Variants in FOXN3 observed in about 807,000 individuals in gnomAD.
FOXN3 encodes forkhead box N3.
Under a neutral mutation model 38.4 loss-of-function variants are expected in FOXN3, and 7 were observed. That is an observed-to-expected ratio of 0.18 (90% CI 0.10 to 0.34). FOXN3 has a LOEUF of 0.34. FOXN3 is among the 10% of genes least tolerant of loss of function. FOXN3 has a pLI of 1.00. For missense variants in FOXN3, 456 were observed against 613.4 expected, an observed-to-expected ratio of 0.74 and a Z score of 2.71; for synonymous variants, 230 against 242.2, an observed-to-expected ratio of 0.95 and a Z score of 0.47.
At chr14:89,490,376 A>C (rs1188138403) in intron 1 of FOXN3, among the ~76,000 whole-genome samples, 1 of 152,250 alleles carries the variant, frequency 6.6e-6, no homozygotes, top group African/African-American at 2.4e-5. Context: ...AGCATGTCAG[A>C]CATGGGCAGA....
intron 4 of FOXN3, among the ~76,000 whole-genome samples, chr14:89,264,667 C>T (rs1042309228): frequency 1.3e-5 from 2 of 152,130 alleles, no homozygotes; most frequent in African/African-American, 4.8e-5. Flanking sequence ...GGTGGGCTCA[C>T]AAGGAAAGGG....
At chr14:89,391,048 G>A (rs571289712) in intron 2 of FOXN3, among the ~76,000 whole-genome samples, 1 of 152,272 alleles carries the variant, frequency 6.6e-6, no homozygotes, top group East Asian at 1.9e-4. Context: ...AAGAGGACCG[G>A]CATACAGAAA....
chr14:89,603,115 G>C (rs1045043201), intron 1 of FOXN3, among the ~76,000 whole-genome samples: 3 of 151,478 alleles, frequency 2.0e-5, no homozygotes, highest in Non-Finnish European at 2.9e-5. Context: ...CTAGCTAATG[G>C]AAAGGGAAAA....
chr14:89,201,469 G>A (rs1178147832), intron 4 of FOXN3, among the ~76,000 whole-genome samples: 1 of 152,218 alleles, frequency 6.6e-6, no homozygotes, highest in Non-Finnish European at 1.5e-5. Context: ...AGCCTCAGGT[G>A]CAAGAAGGCT....
At chr14:89,375,742 C>A (rs970245148) in intron 2 of FOXN3, among the ~76,000 whole-genome samples, 6 of 152,038 alleles carry the variant, frequency 3.9e-5, no homozygotes, top group Non-Finnish European at 7.4e-5. Context: ...AATGAATACA[C>A]CCAGTGTCCA....
At chr14:89,365,890 A>C (rs1890126491) in intron 2 of FOXN3, among the ~76,000 whole-genome samples, 1 of 152,228 alleles carries the variant, frequency 6.6e-6, no homozygotes, top group Admixed American at 6.5e-5. Flanking sequence ...ATTTAACATG[A>C]AAGTTAAATA....
rs59411830 is a variant in FOXN3, at chr14:89,339,626, G to A, written c.680+11046C>T. On this transcript the variant is annotated intron_variant, in intron 3 of 5. Coordinates refer to ENST00000557258, the MANE Select transcript of FOXN3 (RefSeq NM_005197.4). ...GAGTTTCTGACTCCTGCTCTACTGC[G>A]GGCAGGATCGGGCAGGCGGGGAAGC... is the stretch of plus-strand genomic sequence containing the variant. Among the ~76,000 whole-genome samples the A allele has an allele frequency of 4.9e-3, 742 of 152,338 alleles. 2 individuals are homozygous for A. Among genetic ancestry groups the A allele is most frequent in the African/African-American group, 0.017 (692 of 41,566 alleles).
rs1887089401 is a variant in FOXN3 at position 89,161,176 on chromosome 14, A to C, written c.*1238T>G. 6.6e-6 allele frequency: 1 copy of C among 152,496 alleles called. No homozygotes were observed. The highest frequency in any genetic ancestry group is 2.4e-5 in the African/African-American group (1 of 41,416). 9.4% of individuals were successfully genotyped at this position (152,496 alleles called of 1,614,324 possible). A position where few individuals can be genotyped will look rare whatever the true frequency, so the allele number is the denominator to read the frequency against. ...CAAAGGAATCCATGCATTGTGGATCAGAAATTTCTGCTGGCTATACTGGCT... is the reference window on the plus strand; with the variant it reads ...CAAAGGAATCCATGCATTGTGGATCCGAAATTTCTGCTGGCTATACTGGCT... On this transcript the variant is annotated 3_prime_UTR_variant, in exon 6 of 6. Coordinates refer to ENST00000557258, the MANE Select transcript of FOXN3 (RefSeq NM_005197.4).
At chr14:89,517,257 G>A (rs1040829892) in intron 1 of FOXN3, among the ~76,000 whole-genome samples, 1 of 151,850 alleles carries the variant, frequency 6.6e-6, no homozygotes, top group Non-Finnish European at 1.5e-5. Flanking sequence ...CAGGTACTCG[G>A]GAGGCTGAGG....
intron 4 of FOXN3, among the ~76,000 whole-genome samples, chr14:89,190,075 C>A (rs181702588): frequency 1.3e-5 from 2 of 152,208 alleles, no homozygotes; most frequent in African/African-American, 4.8e-5. Flanking sequence ...AGGAACAATA[C>A]CTGCAGGAGC....
chr14:89,556,130 G>A (rs1176731758), intron 1 of FOXN3, among the ~76,000 whole-genome samples: 1 of 152,164 alleles, frequency 6.6e-6, no homozygotes, highest in Non-Finnish European at 1.5e-5. Context: ...GAGGCCGGGT[G>A]TGATGGCTTA....
chr14:89,288,683 T>G lies in FOXN3; in HGVS notation c.681-7669A>C, dbSNP rs867030086. On this transcript the variant is annotated intron_variant, in intron 3 of 5. Coordinates refer to ENST00000557258, the MANE Select transcript of FOXN3 (RefSeq NM_005197.4). ...TAGGCACTCTCTTTCTCTCTCTCTC[T>G]CTCTCTCTCTCTCTCTCTCTCTCTC... Among the ~76,000 whole-genome samples, 369 of 79,488 alleles carry G rather than the reference T, an allele frequency of 4.6e-3. 19 individuals carry two copies. The highest frequency in any genetic ancestry group is 6.6e-3 in the Middle Eastern group (1 of 152). 52.1% of individuals were successfully genotyped at this position (79,488 alleles called of 152,430 possible).
chr14:89,552,029 G>T (rs151247336), intron 1 of FOXN3, among the ~76,000 whole-genome samples: 1 of 152,340 alleles, frequency 6.6e-6, no homozygotes, highest in East Asian at 1.9e-4. Context: ...ATGGTCTGAT[G>T]ATCTCCGGAA....
chr14:89,184,665 A>C (rs1330700171), intron 4 of FOXN3, among the ~76,000 whole-genome samples: 1 of 152,148 alleles, frequency 6.6e-6, no homozygotes, highest in Non-Finnish European at 1.5e-5. Flanking sequence ...TAGTGCCTTC[A>C]CCTTCCTGGG....
At chr14:89,438,133 C>T (rs1294376145) in intron 1 of FOXN3, among the ~76,000 whole-genome samples, 2 of 152,228 alleles carry the variant, frequency 1.3e-5, no homozygotes, top group Non-Finnish European at 2.9e-5. Context: ...CAATAAAAAT[C>T]ATACAAATAT....
At chr14:89,485,932 C>G (rs1893435172) in intron 1 of FOXN3, among the ~76,000 whole-genome samples, 1 of 152,182 alleles carries the variant, frequency 6.6e-6, no homozygotes, top group Non-Finnish European at 1.5e-5. Context: ...AACTGAGGCC[C>G]TCCCTGGTCC....
intron 3 of FOXN3, among the ~76,000 whole-genome samples, chr14:89,316,351 A>G (rs1302249552): frequency 2.6e-5 from 4 of 151,032 alleles, no homozygotes; most frequent in East Asian, 3.9e-4. Flanking sequence ...GCCAACATAC[A>G]GAACTGCTGA....
At chr14:89,362,794 T>C in intron 2 of FOXN3, among the ~76,000 whole-genome samples, 2 of 54,880 alleles carry the variant, frequency 3.6e-5, no homozygotes, top group African/African-American at 7.4e-5. Flanking sequence ...CACCACCATC[T>C]CCACCACCAC....
intron 4 of FOXN3, among the ~76,000 whole-genome samples, chr14:89,224,606 T>C (rs1884572915): frequency 1.3e-5 from 2 of 152,224 alleles, no homozygotes; most frequent in African/African-American, 2.4e-5. Context: ...ACTGGGTATG[T>C]TCTAACAATC....
Sources: allele counts gnomAD v4.1 joint callset (sites outside exome capture counted in the v4.1 genomes callset), GRCh38; gene constraint gnomAD v4.1.1; transcripts MANE v1.5; gene names NCBI Gene and HGNC (gene_info 2026-07-23, HGNC 2026-07-21).